The following OTOGL variants were observed in gnomAD, a reference collection of about 807,000 sequenced individuals.
OTOGL encodes the protein otogelin like.
A neutral mutation model predicts 318.5 loss-of-function variants in OTOGL; 285 were observed. That is an observed-to-expected ratio of 0.89 (90% CI 0.81 to 0.99). OTOGL has a LOEUF of 0.99. Ranked by LOEUF, OTOGL falls within the 50% of genes least tolerant of loss-of-function variation. OTOGL has a pLI of 0.00. For synonymous variants in OTOGL, 987 were observed against 936.5 expected, an observed-to-expected ratio of 1.05 and a Z score of -0.99; for missense variants, 2,899 against 2,845.6, an observed-to-expected ratio of 1.02 and a Z score of -0.43.
intron 1 of OTOGL, among the ~76,000 whole-genome samples, chr12:80,187,433 C>G (rs1379293073): frequency 6.6e-6 from 1 of 152,032 alleles, no homozygotes; most frequent in Non-Finnish European, 1.5e-5. Flanking sequence ...ACACGAAGCC[C>G]AGGAAGAGTA....
chr12:80,149,539 C>T (rs911545035), intron 1 of OTOGL, among the ~76,000 whole-genome samples: 1 of 152,036 alleles, frequency 6.6e-6, no homozygotes, highest in Non-Finnish European at 1.5e-5. Context: ...GTGCCCTGCC[C>T]CCAGAGGTGG....
chr12:80,156,905 G>A lies in OTOGL; in HGVS notation c.-19-52508G>A, dbSNP rs184204778. On this transcript the variant is annotated intron_variant, in intron 1 of 58. Transcript: ENST00000547103. ...GAAGAGTGCTGCAAAAATTATGGGA[G>A]TGCAGGTATCTCTTCCATATACTGA... Among the ~76,000 whole-genome samples the A allele has an allele frequency of 3.7e-3, 565 of 152,140 alleles. 2 individuals carry two copies. Among genetic ancestry groups the A allele is most frequent in the Non-Finnish European group, 3.9e-3 (266 of 67,942 alleles).
At chr12:80,359,361 T>A (rs1259842895) in intron 52 of OTOGL, among the ~76,000 whole-genome samples, 2 of 152,174 alleles carry the variant, frequency 1.3e-5, no homozygotes, top group African/African-American at 4.8e-5. Flanking sequence ...TAGAAATAAC[T>A]AGGATAACTC....
chr12:80,204,385 G>A (rs1240256673), intron 1 of OTOGL, among the ~76,000 whole-genome samples: 1 of 152,142 alleles, frequency 6.6e-6, no homozygotes, highest in African/African-American at 2.4e-5. Context: ...CCTTGGTGTT[G>A]TATGAAGTCA....
chr12:80,327,582 T>C (rs925095706), intron 35 of OTOGL, among the ~76,000 whole-genome samples: 2 of 151,946 alleles, frequency 1.3e-5, no homozygotes, highest in Non-Finnish European at 2.9e-5. Context: ...CCACTGAAGA[T>C]TCTGTATTTG....
intron 26 of OTOGL, among the ~76,000 whole-genome samples, chr12:80,295,637 G>A (rs10506825): frequency 0.84 from 128,460 of 152,170 alleles, 54,309 homozygotes; most frequent in East Asian, 0.95. Context: ...TTTTAATGAA[G>A]TCTCTACTGT....
chr12:80,332,191 G>A (rs753102806), intron 37 of OTOGL, among the ~76,000 whole-genome samples: 12 of 152,262 alleles, frequency 7.9e-5, no homozygotes, highest in Middle Eastern at 3.4e-3. Context: ...TTGTATACAT[G>A]TTGTTTTGAA....
chr12:80,367,583 T>C lies in OTOGL; in HGVS notation c.6354T>C (p.Phe2118=). The C allele has an allele frequency of 6.5e-7, 1 of 1,538,024 alleles. No homozygotes were observed. ...YLCEKDDVCV[F]QEVSVLNPGQ... Reference sequence around the variant, plus strand: ...TAGAAAAGGATGATGTGTGTGTATTTCAAGAAGTATCAGTATTGAATCCTG... The same window carrying C: ...TAGAAAAGGATGATGTGTGTGTATTCCAAGAAGTATCAGTATTGAATCCTG... Residue 2118 remains phenylalanine, a synonymous_variant, in exon 54 of 59, where the codon TTT becomes TTC. Coordinates refer to ENST00000547103, the MANE Select transcript of OTOGL (RefSeq NM_001378609.3).
chr12:80,150,300 A>T (rs1337012318), intron 1 of OTOGL, among the ~76,000 whole-genome samples: 1 of 152,176 alleles, frequency 6.6e-6, no homozygotes, highest in Non-Finnish European at 1.5e-5. Context: ...TTTTCTTTCT[A>T]TGCAGCTACA....
At chr12:80,342,225 A>G in intron 44 of OTOGL, 63 bp downstream of exon 44, 1 of 1,260,732 alleles carries the variant, frequency 7.9e-7, no homozygotes, top group East Asian at 2.5e-5. Flanking sequence ...AAAAGCCAAT[A>G]CGTTACTGTT....
chr12:80,146,168 C>G (rs1447088356), intron 1 of OTOGL, among the ~76,000 whole-genome samples: 1 of 148,268 alleles, frequency 6.7e-6, no homozygotes, highest in Non-Finnish European at 1.5e-5. Flanking sequence ...AGTTTTTGCC[C>G]ATTCAGTATG....
chr12:80,220,723 C>G (rs1180057220), intron 6 of OTOGL, among the ~76,000 whole-genome samples: 1 of 124,210 alleles, frequency 8.1e-6, no homozygotes, highest in Non-Finnish European at 1.8e-5. Context: ...GCATCTAGAT[C>G]CCAGGCTAGG....
chr12:80,191,714 T>C (rs1875709553), intron 1 of OTOGL, among the ~76,000 whole-genome samples: 1 of 152,188 alleles, frequency 6.6e-6, no homozygotes, highest in African/African-American at 2.4e-5. Flanking sequence ...GTTATACCAA[T>C]TACATTGTAA....
At chr12:80,273,687 A>G (rs138096971) in intron 24 of OTOGL, among the ~76,000 whole-genome samples, 4 of 151,982 alleles carry the variant, frequency 2.6e-5, no homozygotes, top group Non-Finnish European at 5.9e-5. Context: ...ACTTTGTTTC[A>G]TTGTGTGTTT....
rs1424287852 is a variant in OTOGL at position 80,353,375 on chromosome 12, G to A, written c.5458G>A (p.Glu1820Lys). ...ATATCAACCCTGTGTGCGACCTTGT[G>A]AAGCAAGAACATGCCTGAACCAATG... ...KEYQPCVRPC[E>K]ARTCLNQWFY... is the part of the protein sequence containing the mutation. The change falls in exon 46 of 59, where the codon GAA (glutamate) becomes AAA (lysine). Residue 1820 changes from glutamate to lysine, a missense_variant. By Grantham distance (56) the Glu-to-Lys change is moderately conservative. Around this residue, in one of 3 missense-constraint regions of OTOGL, gnomAD observed 2,607 missense variants for 2,524.9 expected, o/e 1.03. Transcript: ENST00000547103. 7.5e-6 allele frequency: 12 copies of A among 1,601,436 alleles called. No individual in the cohort carries two copies. The highest frequency in any genetic ancestry group is 1.0e-5 in the Non-Finnish European group (12 of 1,173,674).
At chr12:80,232,691 G>A (rs1045244223) in intron 8 of OTOGL, among the ~76,000 whole-genome samples, 1 of 152,190 alleles carries the variant, frequency 6.6e-6, no homozygotes, top group African/African-American at 2.4e-5. Flanking sequence ...CATTTTTGTT[G>A]TGTCTTTATT....
rs35845637 is a variant in OTOGL at position 80,162,487 on chromosome 12, TA to T, written c.-19-46918del. 4.2e-3 allele frequency among the ~76,000 whole-genome samples: 642 copies of T among 151,916 alleles called. 5 individuals are homozygous for T. The highest frequency in any genetic ancestry group is 0.015 in the African/African-American group (613 of 41,442). The stretch of plus-strand genomic sequence containing the variant: ...GAAAATACCACAAACTGAGTGACTT[TA>T]AAAAAAACAAATTTATTGTCTGGGT... On this transcript the variant is annotated intron_variant, in intron 1 of 58. Coordinates refer to ENST00000547103, the MANE Select transcript of OTOGL (RefSeq NM_001378609.3).
intron 1 of OTOGL, among the ~76,000 whole-genome samples, chr12:80,160,008 A>C (rs1471727914): frequency 1.3e-5 from 2 of 152,086 alleles, no homozygotes; most frequent in Non-Finnish European, 2.9e-5. Context: ...AGGACACCCT[A>C]TTCAACAAAT....
chr12:80,302,038 AT>A lies in OTOGL; in HGVS notation c.3064-586del, dbSNP rs144944911. Among the ~76,000 whole-genome samples, 871 of 150,532 alleles carry A rather than the reference AT, an allele frequency of 5.8e-3. 6 individuals carry two copies. Among genetic ancestry groups the A allele is most frequent in the African/African-American group, 0.02 (814 of 41,058 alleles). ...TAGATCTTAGCAACTGCAGCATACA[AT>A]TTTTTTTTTCTTTCTTGTTAAGTTG... On this transcript the variant is annotated intron_variant, in intron 27 of 58. Transcript: ENST00000547103.
Sources: allele counts gnomAD v4.1 joint callset (sites outside exome capture counted in the v4.1 genomes callset), GRCh38; gene constraint gnomAD v4.1.1; regional missense constraint gnomAD v4.1.1; transcripts MANE v1.5; gene names NCBI Gene and HGNC (gene_info 2026-07-23, HGNC 2026-07-21).